The following ESCO2 variants were observed in gnomAD, a reference collection of about 807,000 sequenced individuals.
ESCO2 encodes N-acetyltransferase ESCO2.
ESCO2 carries 51 observed loss-of-function variants against 61.7 expected under a neutral mutation model. That is an observed-to-expected ratio of 0.83 (90% CI 0.66 to 1.04). The LOEUF (loss-of-function observed/expected upper bound fraction) is 1.04, where lower values mean the gene tolerates loss of function less well. ESCO2 is among the 50% of genes least tolerant of loss of function. ESCO2 has a pLI of 0.00. For missense variants in ESCO2, 692 were observed against 686.2 expected, an observed-to-expected ratio of 1.01 and a Z score of -0.09; for synonymous variants, 230 against 238.2, an observed-to-expected ratio of 0.97 and a Z score of 0.32.
chr8:27,808,763 C>T (rs1805613322), downstream of ESCO2, among the ~76,000 whole-genome samples: 1 of 148,918 alleles, frequency 6.7e-6, no homozygotes, highest in South Asian at 2.2e-4. Flanking sequence ...AAAAAGATAA[C>T]ATCTGAGACT....
chr8:27,802,672 A>G (rs1202797811), intron 10 of ESCO2, among the ~76,000 whole-genome samples: 6 of 125,160 alleles, frequency 4.8e-5, no homozygotes, highest in African/African-American at 1.8e-4. Flanking sequence ...ATATATATAT[A>G]TAGTTACTGC....
intron 10 of ESCO2, among the ~76,000 whole-genome samples, chr8:27,802,902 A>T (rs1488067698): frequency 6.6e-6 from 1 of 151,210 alleles, no homozygotes; most frequent in Non-Finnish European, 1.5e-5. Flanking sequence ...ATGCACCACC[A>T]TGCCCGGCTA....
rs17057845 is a variant in ESCO2 at position 27,779,991 on chromosome 8, G to A, written c.862-183G>A. 75,825 of 552,178 alleles carry A rather than the reference G, an allele frequency of 0.14. 6,720 individuals carry two copies. Among genetic ancestry groups the A allele is most frequent in the East Asian group, 0.34 (10,288 of 30,344 alleles). 34.2% of individuals were successfully genotyped at this position (552,178 alleles called of 1,614,324 possible). On this transcript the variant is annotated intron_variant, in intron 3 of 10. Transcript: ENST00000305188. ...TACTCTGGCTTTAAAGGTAATGTAC[G>A]CTTAGTGAATACAGGGGAAGTTTTC...
In ESCO2 at chr8:27,804,488, GGATGAGA is replaced by G. The variant is rs1291104286; in HGVS notation, c.*1053_*1059del. On this transcript the variant is annotated 3_prime_UTR_variant, in exon 11 of 11. Coordinates refer to ENST00000305188, the MANE Select transcript of ESCO2 (RefSeq NM_001017420.3). The stretch of plus-strand genomic sequence containing the variant: ...GGTTAGTAAATATACATAGGCTGGT[GGATGAGA>G]GACCATGGAACTGTGTAAATACACT... 6 of 985,260 alleles carry G rather than the reference GGATGAGA, an allele frequency of 6.1e-6. No homozygotes were observed. The African/African-American group carries it at 8.7e-5, about 14-fold the overall frequency. The allele number at this position is 985,260 out of a possible 1,614,324, so 61.0% of individuals were successfully genotyped here.
chr8:27,814,244 C>A (rs1366689878), downstream of ESCO2, among the ~76,000 whole-genome samples: 1 of 152,044 alleles, frequency 6.6e-6, no homozygotes, highest in Non-Finnish European at 1.5e-5. Flanking sequence ...ATTTCCTTTT[C>A]TTCCTATATT....
At position 27,801,262 on chromosome 8, in the gene ESCO2, A is replaced by G. The variant is rs145588828; in HGVS notation, c.1673+1546A>G. 2.0e-5 allele frequency among the ~76,000 whole-genome samples: 3 copies of G among 152,310 alleles called. No homozygotes were observed. In the East Asian group the frequency reaches 5.8e-4, roughly 29 times the overall value. Reference sequence around the variant, plus strand: ...GAGTTTCACAACACTTGCTCTCTCAATTTCTACACATATTTCATCGTGTAG... The same window carrying G: ...GAGTTTCACAACACTTGCTCTCTCAGTTTCTACACATATTTCATCGTGTAG... On this transcript the variant is annotated intron_variant, in intron 10 of 10. Transcript: ENST00000305188.
At position 27,776,482 on chromosome 8, in the gene ESCO2, TGC is replaced by T; in HGVS notation, c.177_178del (p.Leu60GlnfsTer4). On this transcript the variant is annotated frameshift_variant, in exon 3 of 11. Coordinates refer to ENST00000305188, the MANE Select transcript of ESCO2 (RefSeq NM_001017420.3). LOFTEE classifies it high-confidence loss of function. ...CTCAACAAGAGCATTTTGTTTTAAG[TGC>T]GCTCAAAACAACTGAAATAAATAGA... ...CSQQEHFVLSALKTTEINRLP... is the reference protein window; with the variant it reads ...CSQQEHFVLSXLKTTEINRLP... The T allele has an allele frequency of 6.2e-7, 1 of 1,612,914 alleles. No homozygotes were observed. Among genetic ancestry groups the T allele is most frequent in the Non-Finnish European group, 8.5e-7 (1 of 1,179,686 alleles).
chr8:27,796,352 A>G (rs1015201804), intron 9 of ESCO2, among the ~76,000 whole-genome samples: 3 of 152,024 alleles, frequency 2.0e-5, no homozygotes, highest in African/African-American at 7.2e-5. Flanking sequence ...TTTGTCAATT[A>G]TCTTTCAAAA....
rs1439758467 is a variant in ESCO2 at position 27,802,653 on chromosome 8, ATAT to A, written c.1674-649_1674-647del. 8.0e-3 allele frequency among the ~76,000 whole-genome samples: 570 copies of A among 71,142 alleles called. 30 individuals carry two copies. The highest frequency in any genetic ancestry group is 9.3e-3 in the Non-Finnish European group (358 of 38,690). The allele number at this position is 71,142 out of a possible 152,430, so 46.7% of individuals were successfully genotyped here. Reference sequence around the variant, plus strand: ...AAAATATATATATATATATATATATATATTATATATATATATATATAGTTACTG... The same window carrying A: ...AAAATATATATATATATATATATATATATATATATATATATATAGTTACTG... On this transcript the variant is annotated intron_variant, in intron 10 of 10. Coordinates refer to ENST00000305188, the MANE Select transcript of ESCO2 (RefSeq NM_001017420.3).
intron 9 of ESCO2, among the ~76,000 whole-genome samples, chr8:27,795,353 CTT>C (rs368900819): frequency 4.6e-5 from 7 of 152,164 alleles, no homozygotes; most frequent in Non-Finnish European, 1.0e-4. Flanking sequence ...ACACTACTGA[CTT>C]TTGTATGTTG....
At chr8:27,803,194 A>G (rs1202421364) in intron 10 of ESCO2, 112 bp from the exon 11 acceptor site, 1 of 925,462 alleles carries the variant, frequency 1.1e-6, no homozygotes, top group African/African-American at 1.7e-5. Flanking sequence ...GCATTTTTTC[A>G]CTTACTAAAA....
intron 10 of ESCO2, among the ~76,000 whole-genome samples, chr8:27,801,229 A>G (rs1248382076): frequency 6.6e-6 from 1 of 152,222 alleles, no homozygotes; most frequent in African/African-American, 2.4e-5. Context: ...AATCTAGGTT[A>G]TATGGATGAG....
At position 27,803,817 on chromosome 8, in the gene ESCO2, A is replaced by G; in HGVS notation, c.*379A>G. On this transcript the variant is annotated 3_prime_UTR_variant, in exon 11 of 11. Transcript: ENST00000305188. ...TTATAAAGCCCACTCTTAGACCAGG[A>G]TTATCTAATGCCACATCAGAAGCAA... The G allele has an allele frequency of 9.9e-7, 1 of 1,006,764 alleles. No individual in the cohort carries two copies. The highest frequency in any genetic ancestry group is 1.2e-6 in the Non-Finnish European group (1 of 844,144). The allele number at this position is 1,006,764 out of a possible 1,614,324, so 62.4% of individuals were successfully genotyped here.
At chr8:27,779,573 GTTCAT>G (rs1804876374) in intron 3 of ESCO2, 1 of 152,092 alleles carries the variant, frequency 6.6e-6, no homozygotes, top group Admixed American at 6.5e-5. Context: ...TGGCTTTTTT[GTTCAT>G]TTCATTATGG....
chr8:27,802,661 T>A (rs1175923144), intron 10 of ESCO2, among the ~76,000 whole-genome samples: 12 of 120,342 alleles, frequency 1.0e-4, no homozygotes, highest in Non-Finnish European at 1.6e-4. Flanking sequence ...ATATATTATA[T>A]ATATATATAT....
chr8:27,794,604 C>A (rs1805254560), intron 9 of ESCO2, among the ~76,000 whole-genome samples: 1 of 152,016 alleles, frequency 6.6e-6, no homozygotes, highest in Non-Finnish European at 1.5e-5. Context: ...ACATTTATTT[C>A]TTCTTTTATT....
chr8:27,782,792 A>G (rs1040882981), intron 4 of ESCO2, among the ~76,000 whole-genome samples: 6 of 151,690 alleles, frequency 4.0e-5, no homozygotes, highest in African/African-American at 1.2e-4. Context: ...TTTAAGTGCA[A>G]TCTTTTTGTC....
downstream of ESCO2, among the ~76,000 whole-genome samples, chr8:27,814,059 A>T (rs1347661580): frequency 2.0e-5 from 3 of 152,182 alleles, no homozygotes; most frequent in Non-Finnish European, 2.9e-5. Flanking sequence ...TATTAGAGTT[A>T]TGCTGACCAC....
chr8:27,784,209 A>G (rs1804987877), intron 5 of ESCO2, 152 bp downstream of exon 5: 1 of 687,982 alleles, frequency 1.5e-6, no homozygotes. Flanking sequence ...AGGGTGATGA[A>G]ATCAGTCCCT....
Sources: gnomAD v4.1 joint callset for allele counts (sites outside exome capture counted in the v4.1 genomes callset) on GRCh38, gnomAD v4.1.1 for gene constraint, MANE v1.5 for transcripts, NCBI Gene and HGNC (gene_info 2026-07-23, HGNC 2026-07-21) for gene names.